ANP32A: variants seen among roughly 807,000 people sequenced by gnomAD.
The protein encoded by ANP32A is acidic nuclear phosphoprotein 32 family member A.
In ANP32A, 1 loss-of-function variant was observed where a neutral mutation model predicts 33.9. The observed-to-expected ratio is 0.03, with a 90% CI of 0.01 to 0.14. The LOEUF (loss-of-function observed/expected upper bound fraction) is 0.14. Among genes scored for constraint, ANP32A ranks in the 10% least tolerant of loss-of-function variants. The pLI is 1.00. For missense variants in ANP32A, 155 were observed against 306.0 expected (o/e 0.51, Z 3.68); for synonymous variants, 115 against 120.5 (o/e 0.95, Z 0.30).
chr15:68,809,535 A>G lies in ANP32A; in HGVS notation c.54+11163T>C, dbSNP rs115052053. Among the ~76,000 whole-genome samples, 625 of 152,282 alleles carry G rather than the reference A, an allele frequency of 4.1e-3. 1 individual carries two copies. Among genetic ancestry groups the G allele is most frequent in the African/African-American group, 0.014 (592 of 41,552 alleles). ...CCATATTTATAGGTAGTGTATGTGA[A>G]TAATCCATAACTGCAAGGTAGACAT... On this transcript the variant is annotated intron_variant, in intron 1 of 6. Transcript: ENST00000465139.
At chr15:68,817,328 G>A (rs1304691040) in intron 1 of ANP32A, 2 of 152,300 alleles carry the variant, frequency 1.3e-5, no homozygotes, top group Non-Finnish European at 2.9e-5. Flanking sequence ...GAGGAGGAGG[G>A]TTCCCCTAGC....
chr15:68,800,466 C>T (rs982331790), intron 1 of ANP32A, among the ~76,000 whole-genome samples: 5 of 151,352 alleles, frequency 3.3e-5, no homozygotes, highest in African/African-American at 7.3e-5. Context: ...AGAAAGGCAC[C>T]GGGCGCGGTG....
intron 3 of ANP32A, among the ~76,000 whole-genome samples, chr15:68,785,752 A>G (rs538903818): frequency 5.3e-5 from 8 of 152,304 alleles, no homozygotes; most frequent in African/African-American, 1.9e-4. Context: ...GAGAGTGTGA[A>G]CATGAACGTG....
chr15:68,810,621 G>C (rs1894298494), intron 1 of ANP32A, among the ~76,000 whole-genome samples: 1 of 152,194 alleles, frequency 6.6e-6, no homozygotes. Context: ...AGAGAATACA[G>C]GATAAGAATG....
intron 1 of ANP32A, 104 bp from the exon 2 acceptor site, chr15:68,788,023 C>A: frequency 7.4e-7 from 1 of 1,355,204 alleles, no homozygotes. Flanking sequence ...ACGCAGGAAG[C>A]AGTCAGTCAC....
intron 1 of ANP32A, among the ~76,000 whole-genome samples, chr15:68,812,315 T>C (rs530398193): frequency 5.3e-5 from 8 of 152,114 alleles, no homozygotes; most frequent in Non-Finnish European, 8.8e-5. Context: ...TGACCCAGCA[T>C]GCAAAGTGTG....
intron 1 of ANP32A, 88 bp downstream of exon 1, chr15:68,820,610 A>C: frequency 3.1e-6 from 1 of 323,912 alleles, no homozygotes; most frequent in Non-Finnish European, 4.6e-6. Flanking sequence ...CCCCCCCCAA[A>C]AAAAGTGCCT....
At chr15:68,792,785 C>G (rs1050785460) in intron 1 of ANP32A, among the ~76,000 whole-genome samples, 1 of 152,204 alleles carries the variant, frequency 6.6e-6, no homozygotes, top group East Asian at 1.9e-4. Flanking sequence ...CTCGACCCAA[C>G]TGGCTCCATG....
chr15:68,815,982 C>T, intron 1 of ANP32A, among the ~76,000 whole-genome samples: 1 of 152,184 alleles, frequency 6.6e-6, no homozygotes, highest in Non-Finnish European at 1.5e-5. Flanking sequence ...TCCTGCTTGT[C>T]TTCTCCTTAC....
At chr15:68,795,509 A>G (rs1894053243) in intron 1 of ANP32A, among the ~76,000 whole-genome samples, 1 of 152,212 alleles carries the variant, frequency 6.6e-6, no homozygotes, top group South Asian at 2.1e-4. Flanking sequence ...GAGGGCCCGC[A>G]TTAACATAAA....
At chr15:68,816,939 T>C (rs1160051440) in intron 1 of ANP32A, among the ~76,000 whole-genome samples, 1 of 152,224 alleles carries the variant, frequency 6.6e-6, no homozygotes, top group Non-Finnish European at 1.5e-5. Context: ...GTTAATATCA[T>C]GCTACTTGAA....
intron 1 of ANP32A, among the ~76,000 whole-genome samples, chr15:68,811,322 G>A (rs1187679497): frequency 1.3e-5 from 2 of 152,166 alleles, no homozygotes; most frequent in Non-Finnish European, 2.9e-5. Flanking sequence ...AGCATCCCCA[G>A]CTGGAGAAGA....
Position 68,779,939 on chromosome 15 carries a change from C to A in ANP32A, c.*142G>T. ...CCCTCCCCCCGCAACCCCCAGTACA[C>A]TCTTCCCCTCTCGTTCCCACAGCAA... On this transcript the variant is annotated 3_prime_UTR_variant, in exon 7 of 7. Transcript: ENST00000465139. 1.8e-6 allele frequency: 1 copy of A among 552,488 alleles called. No individual in the cohort carries two copies. The highest frequency in any genetic ancestry group is 3.1e-6 in the Non-Finnish European group (1 of 326,376). 34.2% of individuals were successfully genotyped at this position (552,488 alleles called of 1,614,324 possible).
At chr15:68,817,378 G>C (rs544138641) in intron 1 of ANP32A, 20 of 152,326 alleles carry the variant, frequency 1.3e-4, no homozygotes, top group Non-Finnish European at 2.9e-4. Flanking sequence ...CACGGAGCTC[G>C]ACCTACCTTC....
chr15:68,819,090 G>C (rs1321792903), intron 1 of ANP32A, among the ~76,000 whole-genome samples: 1 of 152,200 alleles, frequency 6.6e-6, no homozygotes, highest in Non-Finnish European at 1.5e-5. Context: ...CTCAGGTTTG[G>C]GGGAGGAACT....
intron 1 of ANP32A, among the ~76,000 whole-genome samples, chr15:68,819,046 G>A (rs1422839690): frequency 2.0e-5 from 3 of 152,224 alleles, no homozygotes; most frequent in Non-Finnish European, 4.4e-5. Context: ...CGGGGAGGGG[G>A]TAGACAAAAA....
At chr15:68,783,274 AT>A (rs1200389475) in intron 4 of ANP32A, among the ~76,000 whole-genome samples, 2 of 152,176 alleles carry the variant, frequency 1.3e-5, no homozygotes, top group East Asian at 3.9e-4. Context: ...CACAAGTGTT[AT>A]GCATGTGAAA....
intron 1 of ANP32A, among the ~76,000 whole-genome samples, chr15:68,809,340 G>A (rs1567039570): frequency 6.6e-6 from 1 of 152,198 alleles, no homozygotes; most frequent in Non-Finnish European, 1.5e-5. Context: ...TTCTTTTACA[G>A]AGTGAACTTT....
intron 1 of ANP32A, among the ~76,000 whole-genome samples, chr15:68,805,752 G>T (rs544963628): frequency 2.0e-5 from 3 of 152,284 alleles, no homozygotes; most frequent in African/African-American, 7.2e-5. Flanking sequence ...GTGCTCAAAT[G>T]CCACCTCCTC....
Sources: allele counts gnomAD v4.1 joint callset (sites outside exome capture counted in the v4.1 genomes callset), GRCh38; gene constraint gnomAD v4.1.1; transcripts MANE v1.5; gene names NCBI Gene and HGNC (gene_info 2026-07-23, HGNC 2026-07-21).